TP73: variants seen among roughly 807,000 people sequenced by gnomAD.
TP73 encodes the protein p53-like transcription factor.
In TP73, 25 loss-of-function variants were observed where a neutral mutation model predicts 62.5. The ratio of observed to expected loss-of-function variants is 0.40; its 90% CI spans 0.29 to 0.56. The LOEUF is 0.56. TP73 is among the 20% of genes least tolerant of loss of function. The pLI, the probability that TP73 is intolerant of heterozygous loss-of-function variation, is 0.46. For synonymous variants in TP73, 423 were observed against 377.5 expected, an observed-to-expected ratio of 1.12 and a Z score of -1.40; for missense variants, 754 against 913.3, an observed-to-expected ratio of 0.83 and a Z score of 2.25.
At chr1:3,713,971 A>T (rs1468146117) in intron 4 of TP73, among the ~76,000 whole-genome samples, 2 of 151,950 alleles carry the variant, frequency 1.3e-5, no homozygotes, top group African/African-American at 2.4e-5. Context: ...GCACAGGGGG[A>T]TTACCTAAAG....
chr1:3,654,775 C>T (rs1644831009), intron 1 of TP73, among the ~76,000 whole-genome samples: 1 of 152,192 alleles, frequency 6.6e-6, no homozygotes, highest in Non-Finnish European at 1.5e-5. Context: ...CTGCCCAAGG[C>T]GTGGGTGGAA....
intron 1 of TP73, among the ~76,000 whole-genome samples, chr1:3,676,894 AG>A (rs1409347587): frequency 6.6e-6 from 1 of 151,376 alleles, no homozygotes; most frequent in Non-Finnish European, 1.5e-5. Flanking sequence ...TGAGCAACGT[AG>A]GGTGCTAAGC....
chr1:3,711,069 A>G lies in TP73; in HGVS notation c.429+3278A>G, dbSNP rs968004031. Among the ~76,000 whole-genome samples the G allele has an allele frequency of 3.9e-5, 6 of 152,196 alleles. 1 individual carries two copies. The highest frequency in any genetic ancestry group is 3.9e-4 in the Admixed American group (6 of 15,282). On this transcript the variant is annotated intron_variant, in intron 4 of 13. Coordinates refer to ENST00000378295, the MANE Select transcript of TP73 (RefSeq NM_005427.4). ...GGAGCTGGCGTCTGCTGGGGTCCCA[A>G]TCCCAGAGCTGCCCGTGAGCACCTT...
chr1:3,666,989 T>C lies in TP73; in HGVS notation c.-34+14348T>C, dbSNP rs1360343976. 6.6e-6 allele frequency among the ~76,000 whole-genome samples: 1 copy of C among 152,158 alleles called. No homozygotes were observed. The highest frequency in any genetic ancestry group is 2.4e-5 in the African/African-American group (1 of 41,426). On this transcript the variant is annotated intron_variant, in intron 1 of 13. Transcript: ENST00000378295. The surrounding 1 kb of genome is among the most constrained non-coding windows in gnomAD (Gnocchi z 6.4). ...CAGCTATTTTGAGATGGGGAGGCCA[T>C]CTGGCAGGATCCAGGTGGGTCCAGT...
intron 3 of TP73, among the ~76,000 whole-genome samples, chr1:3,685,076 A>G (rs1361490946): frequency 6.6e-6 from 1 of 152,090 alleles, no homozygotes; most frequent in African/African-American, 2.4e-5. Context: ...AAGACCCATA[A>G]GATTGTCCCC....
intron 3 of TP73, among the ~76,000 whole-genome samples, chr1:3,700,052 T>A (rs1427949696): frequency 6.6e-6 from 1 of 151,822 alleles, no homozygotes. Flanking sequence ...GGGAAGCTGT[T>A]ATTGCTGTCT....
intron 5 of TP73, 113 bp downstream of exon 5, chr1:3,722,320 A>T (rs1159081298): frequency 7.5e-7 from 1 of 1,328,332 alleles, no homozygotes; most frequent in African/African-American, 1.5e-5. Flanking sequence ...GGGCTTAGCC[A>T]TTCCCCTGCG....
At chr1:3,727,500 A>C in intron 7 of TP73, 128 bp from the exon 8 acceptor site, 3 of 1,340,066 alleles carry the variant, frequency 2.2e-6, no homozygotes, top group Admixed American at 2.1e-5. Flanking sequence ...CGCTGCCGGC[A>C]CTGGGTGCTC....
chr1:3,699,016 G>T lies in TP73; in HGVS notation c.187-8533G>T, dbSNP rs1001289674. On this transcript the variant is annotated intron_variant, in intron 3 of 13. Coordinates refer to ENST00000378295, the MANE Select transcript of TP73 (RefSeq NM_005427.4). This position sits in a 1 kb window ranked among gnomAD's most constrained non-coding sequence, Gnocchi z 4.1. ...CTGGCACGGGATTGGGCAAGGCCTC[G>T]CCTCAGCCCCGGGTGAGAGCAGAGG... Among the ~76,000 whole-genome samples, 1 of 152,182 alleles carries T rather than the reference G, an allele frequency of 6.6e-6. No individual in the cohort carries two copies. The highest frequency in any genetic ancestry group is 1.5e-5 in the Non-Finnish European group (1 of 68,020).
At position 3,733,056 on chromosome 1, in the gene TP73, T is replaced by C; in HGVS notation, c.1888T>C (p.Phe630Leu). 1 of 1,537,514 alleles carries C rather than the reference T, an allele frequency of 6.5e-7. No homozygotes were observed. Residue 630 changes from phenylalanine to leucine, a missense_variant, in exon 14 of 14, where the codon TTC becomes CTC. By Grantham distance (22) the Phe-to-Leu change is conservative. Transcript: ENST00000378295. ...KARKQPIKEE[F>L]TEAEIH ...CCGCAAGCAGCCCATCAAGGAGGAGTTCACGGAGGCCGAGATCCACTGAGG... is the reference window on the plus strand; with the variant it reads ...CCGCAAGCAGCCCATCAAGGAGGAGCTCACGGAGGCCGAGATCCACTGAGG...
At chr1:3,731,114 C>T (rs531901904) in intron 12 of TP73, 49 bp downstream of exon 12, 2 of 1,583,820 alleles carry the variant, frequency 1.3e-6, no homozygotes, top group Non-Finnish European at 1.7e-6. Flanking sequence ...CCTGTCTGTT[C>T]ACCTCTGTCC....
At chr1:3,693,721 C>CCGCAATCCCAGCCA (rs1276909350) in intron 3 of TP73, among the ~76,000 whole-genome samples, 2,040 of 145,194 alleles carry the variant, frequency 0.014, 67 homozygotes, top group Non-Finnish European at 0.021. Context: ...GCCCCTCCTC[C>CCGCAATCCCAGCCA]TGCAATCCCA....
chr1:3,723,521 C>A (rs6424091), intron 6 of TP73, 52 bp downstream of exon 6: 10 of 940,122 alleles, frequency 1.1e-5, no homozygotes, highest in South Asian at 4.0e-5. Context: ...CTGTACGGGT[C>A]GGGGGAGGGG....
chr1:3,688,020 C>G (rs576651207), intron 3 of TP73, among the ~76,000 whole-genome samples: 4 of 152,230 alleles, frequency 2.6e-5, no homozygotes, highest in South Asian at 4.2e-4. Context: ...GCGCAGGTCC[C>G]GTGCATGTGT....
chr1:3,670,337 A>G lies in TP73; in HGVS notation c.-33-11996A>G, dbSNP rs1047133937. On this transcript the variant is annotated intron_variant, in intron 1 of 13. Transcript: ENST00000378295. This position sits in a 1 kb window ranked among gnomAD's most constrained non-coding sequence, Gnocchi z 5.9. ...TCTGAACTCAAGACTCAAGAGCCCC[A>G]TGTCCAGGTGGGGATGTACAGGAGC... Among the ~76,000 whole-genome samples, 8 of 152,062 alleles carry G rather than the reference A, an allele frequency of 5.3e-5. No homozygotes were observed. The highest frequency in any genetic ancestry group is 3.9e-4 in the Admixed American group (6 of 15,266).
intron 3 of TP73, among the ~76,000 whole-genome samples, chr1:3,704,403 C>T (rs924819388): frequency 2.0e-5 from 3 of 152,264 alleles, no homozygotes; most frequent in Middle Eastern, 3.4e-3. Flanking sequence ...CACCCCCACC[C>T]TGTGTGGCCA....
chr1:3,661,899 T>A (rs1385975872), intron 1 of TP73, among the ~76,000 whole-genome samples: 1 of 149,624 alleles, frequency 6.7e-6, no homozygotes, highest in East Asian at 1.9e-4. Flanking sequence ...TTTTATTTTT[T>A]ATTTTTTTTA....
At position 3,722,222 on chromosome 1, in the gene TP73, C is replaced by T; in HGVS notation, c.616+15C>T. On this transcript the variant is annotated intron_variant, in intron 5 of 13. Transcript: ENST00000378295. ...CTTCAACGAAGGTGAGGGCCCCCAG[C>T]TCCTCTGCCCACGGTGGCACTTTGC... The T allele has an allele frequency of 1.9e-6, 3 of 1,612,120 alleles. No homozygotes were observed. The highest frequency in any genetic ancestry group is 2.5e-6 in the Non-Finnish European group (3 of 1,179,614).
chr1:3,729,949 G>A (rs764155077), intron 10 of TP73, 51 bp from the exon 11 acceptor site: 16 of 1,532,426 alleles, frequency 1.0e-5, no homozygotes, highest in Admixed American at 1.9e-5. Context: ...GTGGTCGGTG[G>A]GCACGAGGCT....
Sources: allele counts gnomAD v4.1 joint callset (sites outside exome capture counted in the v4.1 genomes callset), GRCh38; gene constraint gnomAD v4.1.1; non-coding constraint Gnocchi (gnomAD v3.1); transcripts MANE v1.5; gene names NCBI Gene and HGNC (gene_info 2026-07-23, HGNC 2026-07-21).